The following RAB31 variants were observed in gnomAD, a reference collection of about 807,000 sequenced individuals.
The protein encoded by RAB31 is ras-related protein Rab-31.
Under a neutral mutation model 25.6 loss-of-function variants are expected in RAB31, and 21 were observed. That is an observed-to-expected ratio of 0.82 (90% confidence interval 0.58 to 1.18). The LOEUF (loss-of-function observed/expected upper bound fraction) is 1.18, where lower values mean the gene tolerates loss of function less well. Ranked by LOEUF, RAB31 falls within the 50% of genes most tolerant of loss-of-function variation. RAB31 has a pLI of 0.00. For missense variants in RAB31, 196 were observed against 250.1 expected (o/e 0.78, Z 1.46); for synonymous variants, 87 against 84.0 (o/e 1.04, Z -0.20).
rs560918930 is a variant in RAB31 at position 9,859,144 on chromosome 18, G to C, written c.491-84G>C. The stretch of plus-strand genomic sequence containing the variant: ...TTATTTTGTGCACAGCCCAAAGCAG[G>C]AGTGTTGAAGCAGGGTGAAAATCTG... On this transcript the variant is annotated intron_variant, in intron 6 of 6. Coordinates refer to ENST00000578921, the MANE Select transcript of RAB31 (RefSeq NM_006868.4). 3 of 907,926 alleles carry C rather than the reference G, an allele frequency of 3.3e-6. No individual in the cohort carries two copies. The South Asian group carries it at 4.6e-5, about 14-fold the overall frequency. The allele number at this position is 907,926 out of a possible 1,614,324, so 56.2% of individuals were successfully genotyped here.
At position 9,708,469 on chromosome 18, in the gene RAB31, GC is replaced by G; in HGVS notation, c.39+26del. ...GGTGAGTCCTGGCCGCCACCCGCCG[GC>G]GGACCCCGGCCCGCGCTCTCGCGCC... On this transcript the variant is annotated intron_variant, in intron 1 of 6. Transcript: ENST00000578921. This position sits in a 1 kb window ranked among gnomAD's most constrained non-coding sequence, Gnocchi z 6.4. 6.5e-7 allele frequency: 1 copy of G among 1,546,394 alleles called. No homozygotes were observed.
intron 3 of RAB31, among the ~76,000 whole-genome samples, chr18:9,811,262 C>T (rs888926508): frequency 6.6e-6 from 1 of 152,222 alleles, no homozygotes; most frequent in Non-Finnish European, 1.5e-5. Context: ...CCCGCAGAGG[C>T]TCCAGAGTCC....
chr18:9,770,279 G>A (rs541202518), intron 1 of RAB31, among the ~76,000 whole-genome samples: 57 of 152,146 alleles, frequency 3.7e-4, no homozygotes, highest in Non-Finnish European at 3.7e-4. Context: ...GCTCCTCCTT[G>A]TAGTGGGAGG....
At chr18:9,710,723 C>T (rs564318649) in intron 1 of RAB31, among the ~76,000 whole-genome samples, 13 of 152,082 alleles carry the variant, frequency 8.5e-5, no homozygotes, top group Admixed American at 7.2e-4. Context: ...TGGGCGGTAG[C>T]GGCGCATGCT....
At chr18:9,779,127 C>A (rs113708107) in intron 2 of RAB31, among the ~76,000 whole-genome samples, 42 of 152,230 alleles carry the variant, frequency 2.8e-4, no homozygotes, top group African/African-American at 1.0e-3. Context: ...GACATTCAAA[C>A]CCATGTTCAA....
rs912373350 is a variant in RAB31 at position 9,860,007 on chromosome 18, A to G, written c.*682A>G. 6 of 152,232 alleles carry G rather than the reference A, an allele frequency of 3.9e-5. No homozygotes were observed. The highest frequency in any genetic ancestry group is 2.0e-4 in the Admixed American group (3 of 15,284). 9.4% of individuals were successfully genotyped at this position (152,232 alleles called of 1,614,324 possible). ...ACCAAATCAAACTAAATTACTGCAT[A>G]TAATTTTGGGATTGGGTGGCCTAGT... On this transcript the variant is annotated 3_prime_UTR_variant, in exon 7 of 7. Coordinates refer to ENST00000578921, the MANE Select transcript of RAB31 (RefSeq NM_006868.4).
chr18:9,716,342 A>G (rs570635229), intron 1 of RAB31, among the ~76,000 whole-genome samples: 35 of 151,334 alleles, frequency 2.3e-4, no homozygotes, highest in African/African-American at 7.0e-4. Flanking sequence ...ATATTAAAAT[A>G]CTCTTTCCCA....
chr18:9,810,187 A>T (rs990668046), intron 3 of RAB31, among the ~76,000 whole-genome samples: 1 of 152,244 alleles, frequency 6.6e-6, no homozygotes, highest in African/African-American at 2.4e-5. Context: ...TCAGGGAAGA[A>T]GGGATTTTGA....
intron 5 of RAB31, among the ~76,000 whole-genome samples, chr18:9,842,593 A>G (rs1040493724): frequency 6.6e-6 from 1 of 152,226 alleles, no homozygotes; most frequent in African/African-American, 2.4e-5. Flanking sequence ...CTGGCCCTCC[A>G]GATTCTTCCT....
chr18:9,730,346 G>A (rs1366384808), intron 1 of RAB31, among the ~76,000 whole-genome samples: 1 of 150,216 alleles, frequency 6.7e-6, no homozygotes, highest in South Asian at 2.1e-4. Flanking sequence ...GAGTGCAGTG[G>A]CATGATCTTG....
intron 3 of RAB31, among the ~76,000 whole-genome samples, chr18:9,796,417 TGCTAAAATATA>T (rs1480020140): frequency 1.3e-5 from 2 of 152,196 alleles, no homozygotes; most frequent in African/African-American, 4.8e-5. Flanking sequence ...AAAAGAAGCA[TGCTAAAATATA>T]GCTAAAATAT....
intron 5 of RAB31, among the ~76,000 whole-genome samples, chr18:9,833,388 C>T (rs2143112188): frequency 6.6e-6 from 1 of 152,292 alleles, no homozygotes; most frequent in South Asian, 2.1e-4. Flanking sequence ...AGAAGGGAGG[C>T]AGGTCACAAT....
intron 2 of RAB31, among the ~76,000 whole-genome samples, chr18:9,777,687 T>A (rs1265652583): frequency 2.0e-5 from 3 of 152,036 alleles, no homozygotes; most frequent in Non-Finnish European, 4.4e-5. Flanking sequence ...GGAGGAGAGA[T>A]TTGTGCCTTC....
chr18:9,847,597 G>A (rs2143139969), intron 6 of RAB31, among the ~76,000 whole-genome samples: 1 of 151,966 alleles, frequency 6.6e-6, no homozygotes. Context: ...TTTTTTCTGA[G>A]ACAGAGTCTT....
At chr18:9,806,586 A>C (rs2068543012) in intron 3 of RAB31, among the ~76,000 whole-genome samples, 2 of 152,160 alleles carry the variant, frequency 1.3e-5, no homozygotes, top group Admixed American at 1.3e-4. Context: ...CGGGCCCAAG[A>C]AGGGACCAGG....
chr18:9,855,539 C>T (rs1461417292), intron 6 of RAB31, among the ~76,000 whole-genome samples: 2 of 152,166 alleles, frequency 1.3e-5, no homozygotes, highest in Non-Finnish European at 2.9e-5. Context: ...TTTCCAAAAC[C>T]ATGCCTTTGT....
intron 6 of RAB31, among the ~76,000 whole-genome samples, chr18:9,857,674 TAGATAGATAGATGATAGATA>T (rs1316893424): frequency 4.8e-5 from 6 of 126,278 alleles, no homozygotes; most frequent in African/African-American, 1.4e-4. Context: ...GATAGATAGA[TAGATAGATAGATGATAGATA>T]GATAGATAGA....
intron 5 of RAB31, among the ~76,000 whole-genome samples, chr18:9,832,389 T>A (rs2068683163): frequency 6.6e-6 from 1 of 152,144 alleles, no homozygotes; most frequent in Admixed American, 6.5e-5. Context: ...GAATGACCGA[T>A]GCAAAGTACA....
chr18:9,781,512 C>T (rs2068404142), intron 2 of RAB31, among the ~76,000 whole-genome samples: 1 of 152,140 alleles, frequency 6.6e-6, no homozygotes, highest in African/African-American at 2.4e-5. Context: ...AGGGTTTCAC[C>T]ATGTTGGCCA....
Sources: allele counts gnomAD v4.1 joint callset (sites outside exome capture counted in the v4.1 genomes callset), GRCh38; gene constraint gnomAD v4.1.1; non-coding constraint Gnocchi (gnomAD v3.1); transcripts MANE v1.5; gene names NCBI Gene and HGNC (gene_info 2026-07-23, HGNC 2026-07-21).